The following MLF1 variants were observed in gnomAD, a reference collection of about 807,000 sequenced individuals.
MLF1 encodes myelodysplasia-myeloid leukemia factor 1.
Under a neutral mutation model 38.3 loss-of-function variants are expected in MLF1, and 37 were observed. The observed-to-expected ratio is 0.96, with a 90% CI of 0.74 to 1.27. The LOEUF is 1.27. Ranked by LOEUF, MLF1 falls within the 50% of genes most tolerant of loss-of-function variation. The pLI is 0.00. For missense variants in MLF1, 331 were observed against 349.2 expected, an observed-to-expected ratio of 0.95 and a Z score of 0.42; for synonymous variants, 95 against 106.5, an observed-to-expected ratio of 0.89 and a Z score of 0.66.
Position 158,592,371 on chromosome 3 carries a change from C to T in MLF1, c.48-63C>T, listed in dbSNP as rs1007298139. 3 of 1,405,388 alleles carry T rather than the reference C, an allele frequency of 2.1e-6. No individual in the cohort carries two copies. The African/African-American group carries it at 4.3e-5, about 20-fold the overall frequency. 87.1% of individuals were successfully genotyped at this position (1,405,388 alleles called of 1,614,324 possible). A position where few individuals can be genotyped will look rare whatever the true frequency, so the allele number is the denominator to read the frequency against. On this transcript the variant is annotated intron_variant, in intron 1 of 7. Coordinates refer to ENST00000466246, the MANE Select transcript of MLF1 (RefSeq NM_001369783.1). The stretch of plus-strand genomic sequence containing the variant: ...CCAAAATAATTATTTGTAATATTTA[C>T]CTGCCTACTTACTATTTAAACTCCA...
intron 7 of MLF1, among the ~76,000 whole-genome samples, chr3:158,604,410 T>C (rs1720224924): frequency 6.6e-6 from 1 of 152,200 alleles, no homozygotes; most frequent in Non-Finnish European, 1.5e-5. Flanking sequence ...GCTATATATC[T>C]ATTCTGTCCA....
Position 158,592,563 on chromosome 3 carries a change from T to C in MLF1, c.177T>C (p.Asp59=). 1 of 1,608,170 alleles carries C rather than the reference T, an allele frequency of 6.2e-7. No individual in the cohort carries two copies. The highest frequency in any genetic ancestry group is 8.5e-7 in the Non-Finnish European group (1 of 1,178,438). The change falls in exon 2 of 8, where the codon GAT becomes GAC. Residue 59 remains aspartate (D), a synonymous_variant. Coordinates refer to ENST00000466246, the MANE Select transcript of MLF1 (RefSeq NM_001369783.1). ...CTCATAATCGTAGAGGACATAATGA[T>C]GGTGAAGATTCTTTGACTGTAAGTT... is the stretch of plus-strand genomic sequence containing the variant. ...GRAHNRRGHN[D]GEDSLTATSC...
chr3:158,579,585 G>C (rs1309893783), intron 1 of MLF1, among the ~76,000 whole-genome samples: 5 of 151,928 alleles, frequency 3.3e-5, no homozygotes, highest in Non-Finnish European at 7.4e-5. Flanking sequence ...TCTATATAAA[G>C]AAAGAAAAAC....
intron 4 of MLF1, 113 bp from the exon 5 acceptor site, chr3:158,597,967 G>T: frequency 8.9e-7 from 1 of 1,127,718 alleles, no homozygotes; most frequent in Non-Finnish European, 1.3e-6. Flanking sequence ...ACACCATATT[G>T]GTAGTTTAGT....
At chr3:158,591,159 C>CTT (rs11314613) in intron 1 of MLF1, 1,683 of 390,702 alleles carry the variant, frequency 4.3e-3, no homozygotes, top group East Asian at 7.2e-3. Context: ...AGGAAAATTT[C>CTT]TTTTTTTTTT....
chr3:158,589,848 G>T (rs1354032775), intron 1 of MLF1, among the ~76,000 whole-genome samples: 3 of 152,100 alleles, frequency 2.0e-5, no homozygotes, highest in Non-Finnish European at 2.9e-5. Context: ...CTAGCGTCTA[G>T]ATACTGCTGT....
In MLF1 at chr3:158,605,289, T is replaced by C; in HGVS notation, c.*87T>C. ...AATAAGCATAAGACCAATCTCTTGC[T>C]GTTAAATCAGTTCTGTCCTTGGCAA... is the stretch of plus-strand genomic sequence containing the variant. On this transcript the variant is annotated 3_prime_UTR_variant, in exon 8 of 8. Transcript: ENST00000466246. 1 of 1,029,158 alleles carries C rather than the reference T, an allele frequency of 9.7e-7. No homozygotes were observed. The highest frequency in any genetic ancestry group is 2.6e-5 in the East Asian group (1 of 38,332). The allele number at this position is 1,029,158 out of a possible 1,614,324, so 63.8% of individuals were successfully genotyped here.
chr3:158,595,443 C>T (rs1718747220), intron 3 of MLF1, among the ~76,000 whole-genome samples: 1 of 152,134 alleles, frequency 6.6e-6, no homozygotes, highest in African/African-American at 2.4e-5. Flanking sequence ...TTGATTTGAA[C>T]ATGAATTGAG....
intron 1 of MLF1, among the ~76,000 whole-genome samples, chr3:158,588,392 C>T (rs1429262841): frequency 6.6e-6 from 1 of 152,006 alleles, no homozygotes; most frequent in Admixed American, 6.6e-5. Context: ...CAGAATAACA[C>T]ATTGATTGAG....
intron 1 of MLF1, chr3:158,591,162 T>TC (rs1312494358): frequency 3.2e-6 from 1 of 307,774 alleles, no homozygotes; most frequent in Non-Finnish European, 6.7e-6. Flanking sequence ...AAAATTTCTT[T>TC]TTTTTTTTTT....
intron 1 of MLF1, chr3:158,588,706 A>G (rs1178755269): frequency 3.8e-6 from 1 of 261,460 alleles, no homozygotes; most frequent in Non-Finnish European, 7.8e-6. Flanking sequence ...CAAATCTACA[A>G]AAAGTTTATA....
chr3:158,598,290 T>G, intron 5 of MLF1, 82 bp downstream of exon 5: 1 of 1,414,570 alleles, frequency 7.1e-7, no homozygotes. Flanking sequence ...ACTATTAAAA[T>G]TTAATCTGGT....
chr3:158,586,474 G>A (rs762967223), intron 1 of MLF1, among the ~76,000 whole-genome samples: 2 of 152,110 alleles, frequency 1.3e-5, no homozygotes, highest in African/African-American at 4.8e-5. Flanking sequence ...GAATTTAGAC[G>A]TAAGATACTA....
chr3:158,591,103 TTTTGAGCTTCCTCC>T lies in MLF1; in HGVS notation c.48-1308_48-1295del, dbSNP rs765243701. 6.8e-4 allele frequency: 350 copies of T among 515,052 alleles called. 2 individuals carry two copies. The highest frequency in any genetic ancestry group is 2.6e-3 in the African/African-American group (135 of 51,942). The allele number at this position is 515,052 out of a possible 1,614,324, so 31.9% of individuals were successfully genotyped here. The stretch of plus-strand genomic sequence containing the variant: ...TGGACTTATGAGCAGAAGACAGAAT[TTTTGAGCTTCCTCC>T]TTTGAGCTTCCTCCTTTGAGCTGGA... On this transcript the variant is annotated intron_variant, in intron 1 of 7. Transcript: ENST00000466246.
chr3:158,598,659 A>G (rs1171737126), intron 5 of MLF1, among the ~76,000 whole-genome samples: 1 of 152,154 alleles, frequency 6.6e-6, no homozygotes, highest in Non-Finnish European at 1.5e-5. Flanking sequence ...CAGTTTAGTC[A>G]TATCATAACA....
intron 2 of MLF1, among the ~76,000 whole-genome samples, chr3:158,593,006 T>C (rs183387582): frequency 6.6e-6 from 1 of 152,266 alleles, no homozygotes; most frequent in East Asian, 1.9e-4. Flanking sequence ...TGATCTTCTA[T>C]ATGGTTACGT....
At chr3:158,592,128 A>G (rs1046001935) in intron 1 of MLF1, among the ~76,000 whole-genome samples, 1 of 152,190 alleles carries the variant, frequency 6.6e-6, no homozygotes, top group Admixed American at 6.5e-5. Context: ...TGAATACTAT[A>G]CTGAAAGTGA....
intron 1 of MLF1, among the ~76,000 whole-genome samples, chr3:158,579,599 G>T (rs1021488117): frequency 1.3e-5 from 2 of 152,012 alleles, no homozygotes; most frequent in African/African-American, 4.8e-5. Context: ...GAAAAACCCA[G>T]GCAAATTTTA....
intron 7 of MLF1, among the ~76,000 whole-genome samples, chr3:158,604,547 C>T (rs1720246001): frequency 6.6e-6 from 1 of 152,168 alleles, no homozygotes; most frequent in Non-Finnish European, 1.5e-5. Context: ...ATACTGTTAA[C>T]ATTAAACAGT....
Sources: gnomAD v4.1 joint callset for allele counts (sites outside exome capture counted in the v4.1 genomes callset) on GRCh38, gnomAD v4.1.1 for gene constraint, MANE v1.5 for transcripts, NCBI Gene and HGNC (gene_info 2026-07-23, HGNC 2026-07-21) for gene names.